KIRREL3: variants seen among roughly 807,000 people sequenced by gnomAD.
KIRREL3 encodes the protein kirre like nephrin family adhesion molecule 3, also known as kin of IRRE-like protein 3.
KIRREL3 carries 36 observed loss-of-function variants against 89.7 expected under a neutral mutation model. The ratio of observed to expected loss-of-function variants is 0.40; its 90% CI spans 0.31 to 0.53. The LOEUF (loss-of-function observed/expected upper bound fraction) is 0.53. KIRREL3 is among the 20% of genes least tolerant of loss of function. The pLI, the probability that KIRREL3 is intolerant of heterozygous loss-of-function variation, is 0.49. For missense variants in KIRREL3, 864 were observed against 1,056.6 expected (o/e 0.82, Z 2.53); for synonymous variants, 445 against 441.4 (o/e 1.01, Z -0.10).
Position 126,611,979 on chromosome 11 carries a change from C to G in KIRREL3, c.56-49067G>C, listed in dbSNP as rs953616651. On this transcript the variant is annotated intron_variant, in intron 1 of 16. Transcript: ENST00000525144. This position sits in a 1 kb window ranked among gnomAD's most constrained non-coding sequence, Gnocchi z 4.7. Reference sequence around the variant, plus strand: ...GTGCTTGTTGCCCCTTGGAGCCCACCTCCTCAAGCAAGCCTCCCAGCCCAG... The same window carrying G: ...GTGCTTGTTGCCCCTTGGAGCCCACGTCCTCAAGCAAGCCTCCCAGCCCAG... 6.6e-6 allele frequency among the ~76,000 whole-genome samples: 1 copy of G among 152,188 alleles called. No homozygotes were observed. Among genetic ancestry groups the G allele is most frequent in the South Asian group, 2.1e-4 (1 of 4,828 alleles).
intron 1 of KIRREL3, among the ~76,000 whole-genome samples, chr11:126,593,093 A>G (rs544287302): frequency 6.6e-6 from 1 of 152,266 alleles, no homozygotes; most frequent in Non-Finnish European, 1.5e-5. Flanking sequence ...TGGGTCTCCA[A>G]TAGGAAAAAA....
Position 126,761,287 on chromosome 11 carries a change from G to A in KIRREL3, c.56-198375C>T, listed in dbSNP as rs7932998. Among the ~76,000 whole-genome samples the A allele has an allele frequency of 0.22, 33,627 of 152,208 alleles. 4,227 individuals are homozygous for A. Among genetic ancestry groups the A allele is most frequent in the African/African-American group, 0.32 (13,089 of 41,514 alleles). On this transcript the variant is annotated intron_variant, in intron 1 of 16. Transcript: ENST00000525144. This position sits in a 1 kb window ranked among gnomAD's most constrained non-coding sequence, Gnocchi z 4.4. ...GCCCCTGCACTCTGCCCAGGCAAAG[G>A]TATTCACAAACCTCCCTGGGGGCTC...
In KIRREL3 at chr11:126,565,656, T is replaced by G. The variant is rs1018974980; in HGVS notation, c.56-2744A>C. On this transcript the variant is annotated intron_variant, in intron 1 of 16. Transcript: ENST00000525144. The surrounding 1 kb of genome is among the most constrained non-coding windows in gnomAD (Gnocchi z 5.4). The stretch of plus-strand genomic sequence containing the variant: ...GATGAGTGAAGTGAGAATTAGTTAA[T>G]TGTCCATATATGAAAATTTGGGATG... Among the ~76,000 whole-genome samples, 1 of 152,174 alleles carries G rather than the reference T, an allele frequency of 6.6e-6. No individual in the cohort carries two copies. The highest frequency in any genetic ancestry group is 2.4e-5 in the African/African-American group (1 of 41,446).
intron 1 of KIRREL3, among the ~76,000 whole-genome samples, chr11:126,847,797 A>G (rs1944199220): frequency 6.6e-6 from 1 of 152,216 alleles, no homozygotes; most frequent in Non-Finnish European, 1.5e-5. Context: ...AATTTGGAAC[A>G]CATTTGTTTC....
chr11:126,868,755 C>T (rs959517586), intron 1 of KIRREL3, among the ~76,000 whole-genome samples: 11 of 152,038 alleles, frequency 7.2e-5, no homozygotes, highest in Non-Finnish European at 1.0e-4. Flanking sequence ...CTGCTATAAC[C>T]GAATACCATA....
rs1948633150 is a variant in KIRREL3, at chr11:126,946,875, G to A, written c.55+53580C>T. On this transcript the variant is annotated intron_variant, in intron 1 of 16. Transcript: ENST00000525144. The surrounding 1 kb of genome is among the most constrained non-coding windows in gnomAD (Gnocchi z 4.1). ...ACTATTTATTGTGTAACTAGGGTGT[G>A]GTGGGCCTTGAACTAGGCATTTGGT... Among the ~76,000 whole-genome samples, 1 of 152,174 alleles carries A rather than the reference G, an allele frequency of 6.6e-6. No homozygotes were observed. The highest frequency in any genetic ancestry group is 2.4e-5 in the African/African-American group (1 of 41,448).
In KIRREL3 at chr11:126,742,546, TC is replaced by T. The variant is rs1949017095; in HGVS notation, c.56-179635del. Among the ~76,000 whole-genome samples, 1 of 152,146 alleles carries T rather than the reference TC, an allele frequency of 6.6e-6. No individual in the cohort carries two copies. Among genetic ancestry groups the T allele is most frequent in the Non-Finnish European group, 1.5e-5 (1 of 68,028 alleles). ...CAGAACTGGAAAGAACAAGAGATTT[TC>T]CCATAAAGCTCCCCTCACCATGGGC... is the stretch of plus-strand genomic sequence containing the variant. On this transcript the variant is annotated intron_variant, in intron 1 of 16. Coordinates refer to ENST00000525144, the MANE Select transcript of KIRREL3 (RefSeq NM_032531.4). The surrounding 1 kb of genome is among the most constrained non-coding windows in gnomAD (Gnocchi z 5.3).
Position 126,628,524 on chromosome 11 carries a change from T to C in KIRREL3, c.56-65612A>G, listed in dbSNP as rs367876476. 3.9e-5 allele frequency among the ~76,000 whole-genome samples: 6 copies of C among 152,352 alleles called. No individual in the cohort carries two copies. The East Asian group carries it at 9.6e-4, about 24-fold the overall frequency. Reference sequence around the variant, plus strand: ...ACAGTATATCCCGTTCTCCTAGCTCTCAAAACAATGGTGGGTGATTTCATA... The same window carrying C: ...ACAGTATATCCCGTTCTCCTAGCTCCCAAAACAATGGTGGGTGATTTCATA... On this transcript the variant is annotated intron_variant, in intron 1 of 16. Coordinates refer to ENST00000525144, the MANE Select transcript of KIRREL3 (RefSeq NM_032531.4). The surrounding 1 kb of genome is among the most constrained non-coding windows in gnomAD (Gnocchi z 5.2).
intron 4 of KIRREL3, among the ~76,000 whole-genome samples, chr11:126,493,058 C>T (rs1957563186): frequency 2.0e-5 from 3 of 152,328 alleles, no homozygotes; most frequent in South Asian, 4.1e-4. Flanking sequence ...CAGGGATTGA[C>T]GTGGAGCGTC....
In KIRREL3 at chr11:126,601,172, A is replaced by G. The variant is rs1942639603; in HGVS notation, c.56-38260T>C. On this transcript the variant is annotated intron_variant, in intron 1 of 16. Transcript: ENST00000525144. The surrounding 1 kb of genome is among the most constrained non-coding windows in gnomAD (Gnocchi z 5.8). Reference sequence around the variant, plus strand: ...GAAATGTATTTATGAACCAGCCTCTATCTAAGGGAGAGAATTTATGTCTCT... The same window carrying G: ...GAAATGTATTTATGAACCAGCCTCTGTCTAAGGGAGAGAATTTATGTCTCT... Among the ~76,000 whole-genome samples the G allele has an allele frequency of 1.3e-5, 2 of 152,282 alleles. No homozygotes were observed. The highest frequency in any genetic ancestry group is 1.9e-4 in the East Asian group (1 of 5,178).
In KIRREL3 at chr11:126,456,024, T is replaced by G. The variant is rs1210004969; in HGVS notation, c.848+325A>C. 1.3e-4 allele frequency among the ~76,000 whole-genome samples: 17 copies of G among 131,042 alleles called. No homozygotes were observed. In the East Asian group the frequency reaches 2.3e-3, roughly 18 times the overall value. 86.0% of individuals were successfully genotyped at this position (131,042 alleles called of 152,430 possible). On this transcript the variant is annotated intron_variant, in intron 7 of 16. Transcript: ENST00000525144. ...TTGCTGCTTCTCCTGGTTGTTCTGG[T>G]TTTTTTTTGTTTTCGTTTTTTTTTT...
chr11:126,666,059 C>T lies in KIRREL3; in HGVS notation c.56-103147G>A, dbSNP rs563525693. The stretch of plus-strand genomic sequence containing the variant: ...GATCTGGACCTTTTTATTTTGAAGG[C>T]GCTCCTCGGAGATTCTGATTTGCAT... On this transcript the variant is annotated intron_variant, in intron 1 of 16. Transcript: ENST00000525144. This position sits in a 1 kb window ranked among gnomAD's most constrained non-coding sequence, Gnocchi z 4.2. 2.6e-5 allele frequency among the ~76,000 whole-genome samples: 4 copies of T among 152,244 alleles called. No individual in the cohort carries two copies. The highest frequency in any genetic ancestry group is 1.9e-4 in the East Asian group (1 of 5,180).
At position 126,484,904 on chromosome 11, in the gene KIRREL3, C is replaced by T. The variant is rs1957312171; in HGVS notation, c.434-11438G>A. 6.6e-6 allele frequency among the ~76,000 whole-genome samples: 1 copy of T among 152,012 alleles called. No homozygotes were observed. The highest frequency in any genetic ancestry group is 3.4e-3 in the Middle Eastern group (1 of 294). ...AATGTAGGCTCACTGCAGCCTCCGC[C>T]TCCCAGGTTCAAGCGATTCTCCTGC... On this transcript the variant is annotated intron_variant, in intron 4 of 16. Transcript: ENST00000525144. The surrounding 1 kb of genome is among the most constrained non-coding windows in gnomAD (Gnocchi z 5.2).
Position 126,906,998 on chromosome 11 carries a change from C to T in KIRREL3, c.55+93457G>A, listed in dbSNP as rs1211863015. 1.3e-5 allele frequency among the ~76,000 whole-genome samples: 2 copies of T among 152,262 alleles called. No individual in the cohort carries two copies. Among genetic ancestry groups the T allele is most frequent in the South Asian group, 2.1e-4 (1 of 4,822 alleles). ...GACCTAGGAAGGAATCCTTAGTTTC[C>T]TTTTGTTGTACAAGGACACTGCTCT... On this transcript the variant is annotated intron_variant, in intron 1 of 16. Transcript: ENST00000525144. This position sits in a 1 kb window ranked among gnomAD's most constrained non-coding sequence, Gnocchi z 4.1.
intron 2 of KIRREL3, among the ~76,000 whole-genome samples, chr11:126,552,724 C>T (rs1342978701): frequency 1.3e-5 from 2 of 151,850 alleles, no homozygotes; most frequent in Non-Finnish European, 2.9e-5. Flanking sequence ...CCATGCCCAG[C>T]TAATTTTTTT....
In KIRREL3 at chr11:126,429,122, C is replaced by G; in HGVS notation, c.1806+57G>C. The G allele has an allele frequency of 2.5e-6, 3 of 1,186,546 alleles. No individual in the cohort carries two copies. Among genetic ancestry groups the G allele is most frequent in the African/African-American group, 1.5e-5 (1 of 66,592 alleles). The allele number at this position is 1,186,546 out of a possible 1,614,324, so 73.5% of individuals were successfully genotyped here. On this transcript the variant is annotated intron_variant, in intron 15 of 16. Transcript: ENST00000525144. The surrounding 1 kb of genome is among the most constrained non-coding windows in gnomAD (Gnocchi z 5.2). The stretch of plus-strand genomic sequence containing the variant: ...CTAGTTCATTGAGAAGCCTCTAGTC[C>G]CAGGACCTTCTGGGAATGGAGTCAC...
chr11:126,633,075 C>T (rs1426118515), intron 1 of KIRREL3, among the ~76,000 whole-genome samples: 1 of 151,968 alleles, frequency 6.6e-6, no homozygotes, highest in African/African-American at 2.4e-5. Flanking sequence ...GAGTGAGACC[C>T]TGTCTAAAAA....
In KIRREL3 at chr11:126,976,999, TAAG is replaced by T. The variant is rs1463556271; in HGVS notation, c.55+23453_55+23455del. 1.3e-5 allele frequency among the ~76,000 whole-genome samples: 2 copies of T among 152,230 alleles called. No homozygotes were observed. The highest frequency in any genetic ancestry group is 6.5e-5 in the Admixed American group (1 of 15,284). ...ATAGGAAAGAGAGTACCAAGAGAGT[TAAG>T]AAGAAGTTCTCTGTAACTGATAAAC... On this transcript the variant is annotated intron_variant, in intron 1 of 16. Coordinates refer to ENST00000525144, the MANE Select transcript of KIRREL3 (RefSeq NM_032531.4). This position sits in a 1 kb window ranked among gnomAD's most constrained non-coding sequence, Gnocchi z 4.2.
In KIRREL3 at chr11:126,521,788, A is replaced by G. The variant is rs1159875014; in HGVS notation, c.284-324T>C. Among the ~76,000 whole-genome samples, 1 of 151,916 alleles carries G rather than the reference A, an allele frequency of 6.6e-6. No homozygotes were observed. Among genetic ancestry groups the G allele is most frequent in the Non-Finnish European group, 1.5e-5 (1 of 68,004 alleles). The stretch of plus-strand genomic sequence containing the variant: ...GAGACAGGGTCTTGCTCTGTCACTC[A>G]GATTGGAGTGTAGTGGCAGGATCAT... On this transcript the variant is annotated intron_variant, in intron 3 of 16. Coordinates refer to ENST00000525144, the MANE Select transcript of KIRREL3 (RefSeq NM_032531.4). The surrounding 1 kb of genome is among the most constrained non-coding windows in gnomAD (Gnocchi z 4.1).
Sources: allele counts gnomAD v4.1 joint callset (sites outside exome capture counted in the v4.1 genomes callset), GRCh38; gene constraint gnomAD v4.1.1; non-coding constraint Gnocchi (gnomAD v3.1); transcripts MANE v1.5; gene names NCBI Gene and HGNC (gene_info 2026-07-23, HGNC 2026-07-21).